The following ROBO2 variants were observed in gnomAD, a reference collection of about 807,000 sequenced individuals.
The protein encoded by ROBO2 is roundabout guidance receptor 2.
Under a neutral mutation model 160.8 loss-of-function variants are expected in ROBO2, and 53 were observed. The observed-to-expected ratio is 0.33, with a 90% CI of 0.26 to 0.41. ROBO2 has a LOEUF of 0.41. Ranked by LOEUF, ROBO2 falls within the 10% of genes least tolerant of loss-of-function variation. The probability of loss-of-function intolerance (pLI) is 1.00; values close to 1 mark genes in which losing one functional copy is unlikely to be tolerated. For missense variants in ROBO2, 1,577 were observed against 1,722.4 expected (o/e 0.92, Z 1.49); for synonymous variants, 664 against 611.7 (o/e 1.09, Z -1.26).
chr3:77,625,855 A>G (rs553219420), intron 23 of ROBO2, among the ~76,000 whole-genome samples: 2 of 152,344 alleles, frequency 1.3e-5, no homozygotes, highest in Admixed American at 1.3e-4. Context: ...GTCATTTTAC[A>G]GAAAAAAGTT....
intron 2 of ROBO2, among the ~76,000 whole-genome samples, chr3:77,123,799 AATCT>A (rs201003534): frequency 2.1e-4 from 32 of 149,158 alleles, no homozygotes; most frequent in East Asian, 1.8e-3. Context: ...ATAGATATAT[AATCT>A]ATCTATATAG....
chr3:76,384,893 C>A (rs1229133813), intron 2 of ROBO2, among the ~76,000 whole-genome samples: 4 of 152,168 alleles, frequency 2.6e-5, no homozygotes, highest in African/African-American at 9.7e-5. Context: ...GGGGACACAG[C>A]CAAACCCTAC....
chr3:76,515,242 T>G (rs530857883), intron 2 of ROBO2, among the ~76,000 whole-genome samples: 1 of 152,174 alleles, frequency 6.6e-6, no homozygotes, highest in Non-Finnish European at 1.5e-5. Flanking sequence ...TCTCGCCTTC[T>G]TCCTCCCTGA....
chr3:76,735,719 G>A (rs773108002), intron 2 of ROBO2, among the ~76,000 whole-genome samples: 1 of 129,548 alleles, frequency 7.7e-6, no homozygotes, highest in African/African-American at 2.9e-5. Flanking sequence ...CAGAGATCAC[G>A]TACAGCTTCA....
At chr3:76,210,806 G>T (rs1171756043) in intron 2 of ROBO2, among the ~76,000 whole-genome samples, 6 of 152,078 alleles carry the variant, frequency 3.9e-5, no homozygotes, top group Non-Finnish European at 7.4e-5. Flanking sequence ...CTCTAGGTAA[G>T]ATGCAGGATT....
At chr3:75,958,723 A>G (rs1948802920) in intron 2 of ROBO2, among the ~76,000 whole-genome samples, 1 of 151,752 alleles carries the variant, frequency 6.6e-6, no homozygotes, top group Non-Finnish European at 1.5e-5. Flanking sequence ...CAGAAAGGCA[A>G]TGATATATGT....
At chr3:77,354,088 T>C (rs2068722050) in intron 2 of ROBO2, among the ~76,000 whole-genome samples, 1 of 152,196 alleles carries the variant, frequency 6.6e-6, no homozygotes. Context: ...CTTTATTTAC[T>C]GTAAGATGTT....
chr3:77,332,156 G>A (rs775673597), intron 2 of ROBO2, among the ~76,000 whole-genome samples: 43 of 152,132 alleles, frequency 2.8e-4, no homozygotes, highest in Admixed American at 1.9e-3. Context: ...CTTATATTGT[G>A]TACTATATTA....
At chr3:75,999,859 T>C (rs535173842) in intron 2 of ROBO2, among the ~76,000 whole-genome samples, 1 of 152,358 alleles carries the variant, frequency 6.6e-6, no homozygotes, top group Admixed American at 6.5e-5. Context: ...AAACTCATCA[T>C]GTTGATACTC....
At chr3:76,440,449 AAAAGTACTTTACTTG>A (rs1399255251) in intron 2 of ROBO2, among the ~76,000 whole-genome samples, 1 of 151,772 alleles carries the variant, frequency 6.6e-6, no homozygotes, top group Non-Finnish European at 1.5e-5. Flanking sequence ...CCCTCCCTGT[AAAAGTACTTTACTTG>A]AAAGGGGAGT....
chr3:77,300,697 A>G (rs762308185), intron 2 of ROBO2, among the ~76,000 whole-genome samples: 4 of 151,910 alleles, frequency 2.6e-5, no homozygotes, highest in Non-Finnish European at 4.4e-5. Flanking sequence ...CTTTCTCACT[A>G]TCTCCTCTCT....
At chr3:76,625,223 A>G (rs1027100436) in intron 2 of ROBO2, among the ~76,000 whole-genome samples, 9 of 149,622 alleles carry the variant, frequency 6.0e-5, no homozygotes, top group Admixed American at 4.8e-4. Flanking sequence ...GAAATCATAA[A>G]TCTCTCAAGC....
At chr3:76,031,059 G>T (rs957410210) in intron 2 of ROBO2, among the ~76,000 whole-genome samples, 1 of 152,128 alleles carries the variant, frequency 6.6e-6, no homozygotes, top group Non-Finnish European at 1.5e-5. Flanking sequence ...GTGGTTTATA[G>T]TTCTCTCTGA....
chr3:76,179,129 A>G (rs906993328), intron 2 of ROBO2, among the ~76,000 whole-genome samples: 1 of 152,064 alleles, frequency 6.6e-6, no homozygotes, highest in Non-Finnish European at 1.5e-5. Flanking sequence ...AATTAATGAG[A>G]CATATTAATT....
At chr3:77,101,322 G>C (rs1047941159) in intron 2 of ROBO2, among the ~76,000 whole-genome samples, 4 of 152,154 alleles carry the variant, frequency 2.6e-5, no homozygotes, top group African/African-American at 9.7e-5. Flanking sequence ...TTTTGGTTAA[G>C]TGACTGGGTA....
intron 2 of ROBO2, among the ~76,000 whole-genome samples, chr3:76,364,533 C>T (rs1390447189): frequency 6.6e-6 from 1 of 151,934 alleles, no homozygotes; most frequent in Non-Finnish European, 1.5e-5. Flanking sequence ...AGAATCCTTT[C>T]TTCATCTCAC....
chr3:76,435,266 G>C (rs2076618995), intron 2 of ROBO2: 1 of 1,408,982 alleles, frequency 7.1e-7, no homozygotes, highest in Non-Finnish European at 1.0e-6. Flanking sequence ...ACCTGAGCAA[G>C]AATTCCCTGG....
chr3:75,968,814 G>T lies in ROBO2; in HGVS notation c.109+31212G>T, dbSNP rs867134286. The stretch of plus-strand genomic sequence containing the variant: ...GCTTGTTTTAGATAGTACATAGATA[G>T]CACATAGAATAGCCACCATTCTACT... On this transcript the variant is annotated intron_variant, in intron 2 of 26. Transcript: ENST00000487694. 2.2e-5 allele frequency among the ~76,000 whole-genome samples: 3 copies of T among 133,910 alleles called. 1 individual carries two copies. The highest frequency in any genetic ancestry group is 4.9e-4 in the South Asian group (2 of 4,060). 87.9% of individuals were successfully genotyped at this position (133,910 alleles called of 152,430 possible).
intron 2 of ROBO2, among the ~76,000 whole-genome samples, chr3:76,053,871 A>G (rs1559871212): frequency 6.6e-6 from 1 of 152,084 alleles, no homozygotes; most frequent in Non-Finnish European, 1.5e-5. Context: ...TACTACTCAT[A>G]AAACAGCTTT....
Sources: allele counts gnomAD v4.1 joint callset (sites outside exome capture counted in the v4.1 genomes callset), GRCh38; gene constraint gnomAD v4.1.1; transcripts MANE v1.5; gene names NCBI Gene and HGNC (gene_info 2026-07-23, HGNC 2026-07-21).